The following DCBLD1 variants were observed in gnomAD, a reference collection of about 807,000 sequenced individuals.
DCBLD1 encodes discoidin, CUB and LCCL domain containing 1.
Under a neutral mutation model 71.5 loss-of-function variants are expected in DCBLD1, and 57 were observed. The ratio of observed to expected loss-of-function variants is 0.80; its 90% CI spans 0.64 to 0.99. The LOEUF (loss-of-function observed/expected upper bound fraction) is 0.99, where lower values mean the gene tolerates loss of function less well. DCBLD1 is among the 50% of genes least tolerant of loss of function. The pLI, the probability that DCBLD1 is intolerant of heterozygous loss-of-function variation, is 0.00. For synonymous variants in DCBLD1, 380 were observed against 363.8 expected, an observed-to-expected ratio of 1.04 and a Z score of -0.51; for missense variants, 891 against 923.5, an observed-to-expected ratio of 0.96 and a Z score of 0.46.
chr6:117,501,394 CATG>C (rs745919789), intron 1 of DCBLD1, among the ~76,000 whole-genome samples: 2 of 152,154 alleles, frequency 1.3e-5, no homozygotes, highest in Non-Finnish European at 2.9e-5. Context: ...AGTTCAGTGG[CATG>C]ATCTCAGCTC....
intron 3 of DCBLD1, among the ~76,000 whole-genome samples, chr6:117,520,530 G>GC (rs1778351952): frequency 6.6e-6 from 1 of 152,256 alleles, no homozygotes; most frequent in East Asian, 1.9e-4. Context: ...GAGCCCCTCC[G>GC]CAACACACGC....
At chr6:117,538,859 A>G (rs1056450526) in intron 8 of DCBLD1, 24 bp downstream of exon 8, 6 of 1,594,924 alleles carry the variant, frequency 3.8e-6, no homozygotes, top group African/African-American at 1.3e-5. Context: ...CACAAGTGCC[A>G]AGTGCAGGAG....
chr6:117,551,785 C>T (rs180939374), downstream of DCBLD1, among the ~76,000 whole-genome samples: 18 of 152,118 alleles, frequency 1.2e-4, no homozygotes, highest in Middle Eastern at 3.4e-3. Flanking sequence ...TTATTTAGTC[C>T]GCCGTCTTGC....
At chr6:117,506,197 C>T (rs563299739) in intron 2 of DCBLD1, among the ~76,000 whole-genome samples, 3 of 152,192 alleles carry the variant, frequency 2.0e-5, no homozygotes, top group South Asian at 4.1e-4. Flanking sequence ...TTATCAATGC[C>T]TTTCCACAGG....
chr6:117,539,382 A>T lies in DCBLD1; in HGVS notation c.1101+3A>T. 1 of 1,601,466 alleles carries T rather than the reference A, an allele frequency of 6.2e-7. No homozygotes were observed. The highest frequency in any genetic ancestry group is 8.5e-7 in the Non-Finnish European group (1 of 1,177,136). On this transcript the variant is annotated splice_donor_region_variant and intron_variant, in intron 9 of 14. Coordinates refer to ENST00000338728, the MANE Select transcript of DCBLD1 (RefSeq NM_001366458.2). ...GAATTGTGAATAATGAAGAAAAGGT[A>T]AGAGGTAACCCTAGAGGCAAGAGAA...
At chr6:117,568,882 GC>G (rs1779751043) in intron 14 of DCBLD1, among the ~76,000 whole-genome samples, 1 of 152,126 alleles carries the variant, frequency 6.6e-6, no homozygotes, top group African/African-American at 2.4e-5. Flanking sequence ...ACTCTGAGAT[GC>G]AATTCTACAG....
Position 117,549,281 on chromosome 6 carries a change from A to T in DCBLD1, c.*842A>T. ...AATTTTCATGACTTTCTTCAGAAGT[A>T]GCACATTTTCGTGACTTCCGCTGTC... On this transcript the variant is annotated 3_prime_UTR_variant, in exon 15 of 15. Transcript: ENST00000338728. 1 of 985,478 alleles carries T rather than the reference A, an allele frequency of 1.0e-6. No individual in the cohort carries two copies. Among genetic ancestry groups the T allele is most frequent in the Non-Finnish European group, 1.2e-6 (1 of 829,936 alleles). The allele number at this position is 985,478 out of a possible 1,614,324, so 61.0% of individuals were successfully genotyped here.
chr6:117,484,001 A>T (rs1776998821), intron 1 of DCBLD1, among the ~76,000 whole-genome samples: 1 of 152,262 alleles, frequency 6.6e-6, no homozygotes. Context: ...CAAAATCCCC[A>T]AAACCCTAAA....
At chr6:117,512,015 C>T (rs150612403) in intron 2 of DCBLD1, among the ~76,000 whole-genome samples, 148 of 152,248 alleles carry the variant, frequency 9.7e-4, no homozygotes, top group Non-Finnish European at 1.1e-3. Flanking sequence ...ACATATAAAA[C>T]GTTATATCAG....
At chr6:117,504,076 AT>A in intron 2 of DCBLD1, 97 bp downstream of exon 2, 1 of 1,314,898 alleles carries the variant, frequency 7.6e-7, no homozygotes, top group Non-Finnish European at 1.0e-6. Context: ...TCATGAGAAG[AT>A]TAGAAGAGAA....
intron 2 of DCBLD1, among the ~76,000 whole-genome samples, chr6:117,511,501 C>G (rs547871635): frequency 6.6e-6 from 1 of 152,234 alleles, no homozygotes; most frequent in Non-Finnish European, 1.5e-5. Flanking sequence ...TAAGCATTGT[C>G]AGTGACTTAG....
intron 1 of DCBLD1, among the ~76,000 whole-genome samples, chr6:117,491,177 G>A (rs1178259339): frequency 6.6e-6 from 1 of 152,162 alleles, no homozygotes; most frequent in African/African-American, 2.4e-5. Context: ...AAATGTGGTT[G>A]ATTTCAGCCC....
At chr6:117,567,111 G>A in intron 14 of DCBLD1, 3 of 1,049,754 alleles carry the variant, frequency 2.9e-6, no homozygotes, top group Non-Finnish European at 4.0e-6. Context: ...TTCTTTGTGG[G>A]AAGGCTTAGG....
intron 3 of DCBLD1, 145 bp downstream of exon 3, chr6:117,520,095 A>G: frequency 1.5e-6 from 2 of 1,340,174 alleles, no homozygotes; most frequent in Non-Finnish European, 2.0e-6. Flanking sequence ...ATCTTTGTAA[A>G]TGGTTAGGTC....
At chr6:117,491,344 T>C (rs549890527) in intron 1 of DCBLD1, among the ~76,000 whole-genome samples, 1 of 152,252 alleles carries the variant, frequency 6.6e-6, no homozygotes, top group East Asian at 1.9e-4. Context: ...CCACCATTTT[T>C]TTGGGATCCC....
chr6:117,549,971 A>G (rs1041477495), downstream of DCBLD1, among the ~76,000 whole-genome samples: 1 of 151,834 alleles, frequency 6.6e-6, no homozygotes, highest in Non-Finnish European at 1.5e-5. Flanking sequence ...TAATGATGAG[A>G]CTCGGTTTCC....
intron 14 of DCBLD1, among the ~76,000 whole-genome samples, chr6:117,568,832 C>T (rs1192133108): frequency 6.6e-6 from 1 of 152,176 alleles, no homozygotes; most frequent in Non-Finnish European, 1.5e-5. Context: ...AAGATTTATG[C>T]ATCATATAGA....
rs1178854434 is a variant in DCBLD1 at position 117,548,020 on chromosome 6, C to T, written c.1729C>T (p.His577Tyr). Residue 577 changes from histidine to tyrosine, a missense_variant, in exon 15 of 15, where the codon CAC becomes TAC. Transcript: ENST00000338728. ...AGGGGTGAGCACCGATGCCGGCGGCCACTATGACTGCCCGCAGCGGGCCGG... is the reference window on the plus strand; with the variant it reads ...AGGGGTGAGCACCGATGCCGGCGGCTACTATGACTGCCCGCAGCGGGCCGG... ...EAGVSTDAGG[H>Y]YDCPQRAGRH... The T allele has an allele frequency of 3.2e-6, 5 of 1,550,130 alleles. No homozygotes were observed. The highest frequency in any genetic ancestry group is 1.4e-5 in the African/African-American group (1 of 73,044).
chr6:117,521,292 C>G (rs1009844732), intron 3 of DCBLD1, among the ~76,000 whole-genome samples: 1 of 152,088 alleles, frequency 6.6e-6, no homozygotes, highest in African/African-American at 2.4e-5. Context: ...CTATCATTTA[C>G]TAGGTGATTG....
Sources: gnomAD v4.1 joint callset for allele counts (sites outside exome capture counted in the v4.1 genomes callset) on GRCh38, gnomAD v4.1.1 for gene constraint, MANE v1.5 for transcripts, NCBI Gene and HGNC (gene_info 2026-07-23, HGNC 2026-07-21) for gene names.